CDH5: variants seen among roughly 807,000 people sequenced by gnomAD.
The protein encoded by CDH5 is cadherin 5.
A neutral mutation model predicts 62.0 loss-of-function variants in CDH5; 28 were observed. That is an observed-to-expected ratio of 0.45 (90% CI 0.33 to 0.62). The LOEUF (loss-of-function observed/expected upper bound fraction) is 0.62. CDH5 is among the 20% of genes least tolerant of loss of function. The pLI is 0.02. For synonymous variants in CDH5, 464 were observed against 445.8 expected (o/e 1.04, Z -0.52); for missense variants, 940 against 1,065.1 (o/e 0.88, Z 1.63).
chr16:66,382,305 C>T (rs1960911640), intron 2 of CDH5, among the ~76,000 whole-genome samples: 1 of 152,222 alleles, frequency 6.6e-6, no homozygotes. Flanking sequence ...GTGCCCATGG[C>T]TCCCAACAAT....
intron 1 of CDH5, among the ~76,000 whole-genome samples, chr16:66,367,637 G>A (rs900588902): frequency 1.3e-5 from 2 of 152,192 alleles, no homozygotes; most frequent in Admixed American, 6.5e-5. Context: ...GGGAACAAGG[G>A]ATGGTGTGGG....
At chr16:66,375,810 TAA>T (rs1367310959) in intron 1 of CDH5, among the ~76,000 whole-genome samples, 11 of 133,972 alleles carry the variant, frequency 8.2e-5, no homozygotes, top group Admixed American at 7.5e-5. Flanking sequence ...TGTTGCCGTC[TAA>T]AAAAAAAAAA....
chr16:66,369,980 T>TTTTGTTTGTTTG (rs58584593), intron 1 of CDH5, among the ~76,000 whole-genome samples: 53 of 150,398 alleles, frequency 3.5e-4, no homozygotes, highest in Admixed American at 1.3e-3. Context: ...CTGGAGACTT[T>TTTTGTTTGTTTG]TTTGTTTGTT....
intron 2 of CDH5, among the ~76,000 whole-genome samples, chr16:66,383,898 C>T (rs1960938059): frequency 6.6e-6 from 1 of 152,014 alleles, no homozygotes; most frequent in Admixed American, 6.5e-5. Flanking sequence ...TAGGCTGCAT[C>T]ATCTAACTTC....
chr16:66,387,181 G>T, intron 3 of CDH5, 84 bp downstream of exon 3: 3 of 1,344,940 alleles, frequency 2.2e-6, no homozygotes, highest in Non-Finnish European at 3.1e-6. Context: ...TCACTGCCTG[G>T]GGTAGGAATC....
At chr16:66,369,340 G>A (rs1212440604) in intron 1 of CDH5, among the ~76,000 whole-genome samples, 2 of 152,228 alleles carry the variant, frequency 1.3e-5, no homozygotes, top group Non-Finnish European at 2.9e-5. Flanking sequence ...CCAGGCTGGA[G>A]AGGGCGGGTA....
chr16:66,375,876 C>T (rs1011503001), intron 1 of CDH5, among the ~76,000 whole-genome samples: 6 of 151,262 alleles, frequency 4.0e-5, no homozygotes, highest in South Asian at 2.1e-4. Context: ...GGGAGGCTGA[C>T]GCGGCGGATC....
chr16:66,391,872 C>A (rs533275415), intron 6 of CDH5, among the ~76,000 whole-genome samples: 5 of 152,200 alleles, frequency 3.3e-5, no homozygotes, highest in Non-Finnish European at 7.3e-5. Flanking sequence ...ATGTCCCAAA[C>A]GCTGGAAATA....
At chr16:66,371,475 G>A (rs1480171746) in intron 1 of CDH5, among the ~76,000 whole-genome samples, 1 of 152,142 alleles carries the variant, frequency 6.6e-6, no homozygotes, top group African/African-American at 2.4e-5. Flanking sequence ...CGGGTGTGCT[G>A]GGGGTCAGGG....
At chr16:66,389,600 G>A in intron 5 of CDH5, 78 bp downstream of exon 5, 1 of 1,281,908 alleles carries the variant, frequency 7.8e-7, no homozygotes, top group Non-Finnish European at 1.1e-6. Flanking sequence ...TGGGAAAAGA[G>A]TTACAAATCA....
At chr16:66,370,012 G>C (rs1567458724) in intron 1 of CDH5, among the ~76,000 whole-genome samples, 1 of 128,800 alleles carries the variant, frequency 7.8e-6, no homozygotes, top group Non-Finnish European at 1.6e-5. Context: ...TTGTTTGTTT[G>C]TTTTTGAGAC....
chr16:66,390,563 C>T lies in CDH5; in HGVS notation c.942C>T (p.His314=), dbSNP rs1371943475. The T allele has an allele frequency of 7.4e-6, 12 of 1,614,084 alleles. No homozygotes were observed. Among genetic ancestry groups the T allele is most frequent in the Non-Finnish European group, 1.0e-5 (12 of 1,180,006 alleles). Residue 314 remains histidine (H), a synonymous_variant, in exon 6 of 12, where the codon CAC becomes CAT. Coordinates refer to ENST00000341529, the MANE Select transcript of CDH5 (RefSeq NM_001795.5). The part of the protein sequence containing the change: ...DAFTIETNPA[H]NEGIIKPMKP... ...TCACCATTGAGACAAACCCCGCCCA[C>T]AACGAGGGCATCATCAAGCCCATGA...
intron 1 of CDH5, among the ~76,000 whole-genome samples, chr16:66,379,017 G>T (rs754046899): frequency 1.3e-5 from 2 of 152,184 alleles, no homozygotes; most frequent in African/African-American, 4.8e-5. Flanking sequence ...GCATAGCTTC[G>T]GGGAAGAATA....
intron 2 of CDH5, among the ~76,000 whole-genome samples, chr16:66,380,922 A>G (rs897999352): frequency 9.2e-5 from 14 of 151,970 alleles, no homozygotes; most frequent in African/African-American, 2.9e-4. Context: ...GGTGAACTCT[A>G]TGGTTCAATT....
chr16:66,370,900 C>T (rs1960675415), intron 1 of CDH5, among the ~76,000 whole-genome samples: 1 of 152,170 alleles, frequency 6.6e-6, no homozygotes, highest in Non-Finnish European at 1.5e-5. Flanking sequence ...GAGAGGAGAG[C>T]TGGCAGGGTG....
intron 1 of CDH5, among the ~76,000 whole-genome samples, chr16:66,378,733 C>T (rs188388467): frequency 3.3e-5 from 5 of 152,310 alleles, no homozygotes; most frequent in East Asian, 1.9e-4. Flanking sequence ...CACTTGCTTC[C>T]GTCCTAGCAC....
chr16:66,389,320 A>T, intron 4 of CDH5, 38 bp from the exon 5 acceptor site: 1 of 1,584,348 alleles, frequency 6.3e-7, no homozygotes, highest in Non-Finnish European at 8.6e-7. Context: ...ATTTTCTAGA[A>T]GCTGGTAACA....
intron 1 of CDH5, among the ~76,000 whole-genome samples, chr16:66,374,088 G>A (rs773547030): frequency 7.9e-5 from 12 of 152,104 alleles, no homozygotes; most frequent in Admixed American, 2.6e-4. Context: ...GATGACTTAC[G>A]CTACCTCTCT....
chr16:66,385,095 C>A lies in CDH5; in HGVS notation c.211-1714C>A, dbSNP rs926095545. On this transcript the variant is annotated intron_variant, in intron 2 of 11. Coordinates refer to ENST00000341529, the MANE Select transcript of CDH5 (RefSeq NM_001795.5). ...CTCCTAGTGGGGGCCTGGCACCTCC[C>A]AGGCACCAAGTTATATTTTTTAATT... Among the ~76,000 whole-genome samples, 8 of 152,320 alleles carry A rather than the reference C, an allele frequency of 5.3e-5. No individual in the cohort carries two copies. The South Asian group carries it at 1.7e-3, about 32-fold the overall frequency.
Sources: allele counts gnomAD v4.1 joint callset (sites outside exome capture counted in the v4.1 genomes callset), GRCh38; gene constraint gnomAD v4.1.1; transcripts MANE v1.5; gene names NCBI Gene and HGNC (gene_info 2026-07-23, HGNC 2026-07-21).